The following UTP20 variants were observed in gnomAD, a reference collection of about 807,000 sequenced individuals.
UTP20 encodes the protein UTP20 small subunit processome component, also known as small subunit processome component 20 homolog.
Under a neutral mutation model 329.5 loss-of-function variants are expected in UTP20, and 164 were observed. That is an observed-to-expected ratio of 0.50 (90% confidence interval 0.44 to 0.57). The LOEUF is 0.57. Among genes scored for constraint, UTP20 ranks in the 20% least tolerant of loss-of-function variants. The pLI, the probability that UTP20 is intolerant of heterozygous loss-of-function variation, is 0.00. For missense variants in UTP20, 3,055 were observed against 3,284.2 expected, an observed-to-expected ratio of 0.93 and a Z score of 1.71; for synonymous variants, 1,151 against 1,159.3, an observed-to-expected ratio of 0.99 and a Z score of 0.14.
At position 101,356,696 on chromosome 12, in the gene UTP20, A is replaced by T. The variant is rs576060955; in HGVS notation, c.5534+3A>T. 1 of 1,602,550 alleles carries T rather than the reference A, an allele frequency of 6.2e-7. No homozygotes were observed. The highest frequency in any genetic ancestry group is 1.1e-5 in the South Asian group (1 of 87,782). On this transcript the variant is annotated splice_donor_region_variant and intron_variant, in intron 42 of 61. Coordinates refer to ENST00000261637, the MANE Select transcript of UTP20 (RefSeq NM_014503.3). ...GTTATGGAAGCTAATCTGCCAAGGTATGTTTTTTAACAAATTAGAAGTTTA... is the reference window on the plus strand; with the variant it reads ...GTTATGGAAGCTAATCTGCCAAGGTTTGTTTTTTAACAAATTAGAAGTTTA...
rs1310150445 is a variant in UTP20, at chr12:101,383,222, T to C, written c.7838T>C (p.Leu2613Pro). 6 of 1,613,996 alleles carry C rather than the reference T, an allele frequency of 3.7e-6. No individual in the cohort carries two copies. Among genetic ancestry groups the C allele is most frequent in the Non-Finnish European group, 4.2e-6 (5 of 1,180,028 alleles). The change falls in exon 59 of 62, where the codon CTC becomes CCC. Residue 2613 changes from leucine to proline, a missense_variant. By Grantham distance (98) the Leu-to-Pro change is moderately conservative. Around this residue, in one of 3 missense-constraint regions of UTP20, gnomAD observed 337 missense variants for 345.5 expected, o/e 0.98. Coordinates refer to ENST00000261637, the MANE Select transcript of UTP20 (RefSeq NM_014503.3). The part of the protein sequence containing the change: ...GEEKEEVKEE[L>P]GRPATLLWLI... ...GAGAAGGAAGAGGTGAAGGAAGAGC[T>C]CGGCAGGCCGGCCACGCTGCTGTGG...
intron 26 of UTP20, 124 bp from the exon 27 acceptor site, chr12:101,329,117 A>G: frequency 2.4e-6 from 2 of 834,798 alleles, no homozygotes; most frequent in Non-Finnish European, 3.7e-6. Flanking sequence ...ATTGTCATCT[A>G]TAAATTACCA....
At chr12:101,308,424 A>AAAT (rs199761274) in intron 18 of UTP20, 81 bp downstream of exon 18, 27,216 of 658,730 alleles carry the variant, frequency 0.041, 3,100 homozygotes, top group East Asian at 0.33. Flanking sequence ...GTAGTCACCA[A>AAAT]AATAATAATA....
intron 15 of UTP20, among the ~76,000 whole-genome samples, chr12:101,303,618 G>A (rs918065386): frequency 4.6e-5 from 7 of 152,138 alleles, no homozygotes; most frequent in Non-Finnish European, 7.4e-5. Flanking sequence ...AGCAGAGCAC[G>A]AGAGTGGGCT....
chr12:101,385,987 T>C lies in UTP20; in HGVS notation c.8222T>C (p.Ile2741Thr). ...KALEFVTNPD[I>T]AAKKKMKKHK... ...TTCCAGTTTGTAACTAATCCTGATA[T>C]TGCTGCCAAGAAAAAAATGAAGAAA... The change falls in exon 62 of 62, where the codon ATT (isoleucine) becomes ACT (threonine). Residue 2741 changes from isoleucine (I) to threonine (T), a missense_variant. Physicochemically the swap from Ile to Thr is moderately conservative, Grantham distance 89 (BLOSUM62 -1). Around this residue, in one of 3 missense-constraint regions of UTP20, gnomAD observed 337 missense variants for 345.5 expected, o/e 0.98. Transcript: ENST00000261637. The C allele has an allele frequency of 6.3e-7, 1 of 1,595,030 alleles. No homozygotes were observed. Among genetic ancestry groups the C allele is most frequent in the Non-Finnish European group, 8.5e-7 (1 of 1,170,140 alleles).
At chr12:101,281,530 A>G (rs2137224447) in intron 2 of UTP20, among the ~76,000 whole-genome samples, 1 of 152,244 alleles carries the variant, frequency 6.6e-6, no homozygotes, top group South Asian at 2.1e-4. Flanking sequence ...TCCCTTATGC[A>G]TTCCAAGCAC....
At chr12:101,301,381 A>G (rs1872518856) in intron 14 of UTP20, among the ~76,000 whole-genome samples, 1 of 152,172 alleles carries the variant, frequency 6.6e-6, no homozygotes, top group African/African-American at 2.4e-5. Flanking sequence ...TATTTAAAAA[A>G]ATAAGGCTGG....
rs1358075652 is a variant in UTP20, at chr12:101,321,639, C to G, written c.3041+10C>G. On this transcript the variant is annotated intron_variant, in intron 25 of 61. Transcript: ENST00000261637. ...TTCCTATTCTGATGAGGTATTTATG[C>G]TGTTCAAACACTGATTTTTAAAAAG... 1.3e-5 allele frequency: 21 copies of G among 1,611,836 alleles called. No individual in the cohort carries two copies. Among genetic ancestry groups the G allele is most frequent in the Non-Finnish European group, 1.8e-5 (21 of 1,178,824 alleles).
chr12:101,379,507 C>T lies in UTP20; in HGVS notation c.7533C>T (p.His2511=), dbSNP rs1460755077. The T allele has an allele frequency of 5.6e-6, 9 of 1,613,944 alleles. No individual in the cohort carries two copies. In the Admixed American group the frequency reaches 1.5e-4, roughly 27 times the overall value. The change falls in exon 57 of 62, where the codon CAC becomes CAT. Residue 2511 remains histidine, a synonymous_variant. Coordinates refer to ENST00000261637, the MANE Select transcript of UTP20 (RefSeq NM_014503.3). The part of the protein sequence containing the change: ...QKWNTKKTKK[H]LPEPVAIKFL... ...GGAATACCAAAAAGACCAAAAAACA[C>T]CTCCCAGAACCTGTAGCAATCAAGT...
Position 101,356,682 on chromosome 12 carries a change from T to C in UTP20, c.5523T>C (p.Ala1841=), listed in dbSNP as rs1387738334. ...MQSLPQEVME[A]NLPSILLKVC... ...CCCTTCCACAAGAAGTTATGGAAGC[T>C]AATCTGCCAAGGTATGTTTTTTAAC... Residue 1841 remains alanine, a synonymous_variant, in exon 42 of 62, where the codon GCT becomes GCC. Coordinates refer to ENST00000261637, the MANE Select transcript of UTP20 (RefSeq NM_014503.3). 1 of 1,609,306 alleles carries C rather than the reference T, an allele frequency of 6.2e-7. No individual in the cohort carries two copies. The highest frequency in any genetic ancestry group is 1.3e-5 in the African/African-American group (1 of 74,668).
At chr12:101,318,498 A>G (rs1169407154) in intron 22 of UTP20, among the ~76,000 whole-genome samples, 3 of 152,144 alleles carry the variant, frequency 2.0e-5, no homozygotes, top group Non-Finnish European at 4.4e-5. Flanking sequence ...TGGGTGAAAT[A>G]TTTTTATAGG....
chr12:101,379,484 A>G lies in UTP20; in HGVS notation c.7510A>G (p.Asn2504Asp), dbSNP rs116332299. 50 of 1,614,132 alleles carry G rather than the reference A, an allele frequency of 3.1e-5. No individual in the cohort carries two copies. The African/African-American group carries it at 6.5e-4, about 21-fold the overall frequency. The change falls in exon 57 of 62, where the codon AAT (asparagine) becomes GAT (aspartate). Residue 2504 changes from asparagine to aspartate, a missense_variant. Asn to Asp is a conservative substitution (Grantham distance 23). Transcript: ENST00000261637. ...CQPEELIQKW[N>D]TKKTKKHLPE... ...GCCAGAGGAGCTTATTCAAAAATGG[A>G]ATACCAAAAAGACCAAAAAACACCT...
chr12:101,289,389 A>G (rs1872065592), intron 6 of UTP20, among the ~76,000 whole-genome samples: 1 of 150,648 alleles, frequency 6.6e-6, no homozygotes, highest in African/African-American at 2.5e-5. Context: ...ACACACACAC[A>G]CATACACACA....
At position 101,286,184 on chromosome 12, in the gene UTP20, T is replaced by C. The variant is rs1871955001; in HGVS notation, c.327-137T>C. The stretch of plus-strand genomic sequence containing the variant: ...GCTGAGATCTTAAGATTTAAAGAAT[T>C]TTATAATTTTTCAGACTTGATTTAG... On this transcript the variant is annotated intron_variant, in intron 4 of 61. Transcript: ENST00000261637. 6 of 891,360 alleles carry C rather than the reference T, an allele frequency of 6.7e-6. No individual in the cohort carries two copies. In the South Asian group the frequency reaches 1.4e-4, roughly 20 times the overall value. The allele number at this position is 891,360 out of a possible 1,614,324, so 55.2% of individuals were successfully genotyped here.
At position 101,362,018 on chromosome 12, in the gene UTP20, G is replaced by C; in HGVS notation, c.5748G>C (p.Leu1916=). ...HMLLQGLTNK[L]QVGDLDSCLD... Reference sequence around the variant, plus strand: ...TGCTGCAAGGCCTCACCAATAAGCTGCAGGTCGGAGATTTGGACTCTTGTT... The same window carrying C: ...TGCTGCAAGGCCTCACCAATAAGCTCCAGGTCGGAGATTTGGACTCTTGTT... Residue 1916 remains leucine, a synonymous_variant, in exon 44 of 62, where the codon CTG becomes CTC. Transcript: ENST00000261637. 6.2e-7 allele frequency: 1 copy of C among 1,613,632 alleles called. No individual in the cohort carries two copies. The highest frequency in any genetic ancestry group is 1.7e-4 in the Middle Eastern group (1 of 6,056).
At chr12:101,362,999 G>C (rs1048744050) in intron 44 of UTP20, among the ~76,000 whole-genome samples, 1 of 131,528 alleles carries the variant, frequency 7.6e-6, no homozygotes, top group Admixed American at 7.1e-5. Flanking sequence ...CAGGTGGGGT[G>C]GCACATGCCT....
chr12:101,326,799 G>A (rs1250918219), intron 25 of UTP20: 2 of 210,938 alleles, frequency 9.5e-6, no homozygotes, highest in Non-Finnish European at 1.9e-5. Flanking sequence ...AAGTTGCCCA[G>A]GCTGGCTTTA....
chr12:101,343,364 A>G (rs576126395), intron 35 of UTP20, among the ~76,000 whole-genome samples: 1 of 152,354 alleles, frequency 6.6e-6, no homozygotes, highest in Non-Finnish European at 1.5e-5. Flanking sequence ...ATAGAGATGA[A>G]GTACATTAGG....
chr12:101,360,632 C>T (rs1460786914), intron 43 of UTP20, among the ~76,000 whole-genome samples: 1 of 152,128 alleles, frequency 6.6e-6, no homozygotes, highest in Non-Finnish European at 1.5e-5. Flanking sequence ...CAAGACCAGC[C>T]TGGCCAACAT....
Sources: allele counts gnomAD v4.1 joint callset (sites outside exome capture counted in the v4.1 genomes callset), GRCh38; gene constraint gnomAD v4.1.1; regional missense constraint gnomAD v4.1.1; transcripts MANE v1.5; gene names NCBI Gene and HGNC (gene_info 2026-07-23, HGNC 2026-07-21).